Variants in EPB41L4A observed in about 807,000 individuals in gnomAD.
EPB41L4A encodes the protein band 4.1-like protein 4A.
A neutral mutation model predicts 108.6 loss-of-function variants in EPB41L4A; 100 were observed. The observed-to-expected ratio is 0.92, with a 90% confidence interval of 0.78 to 1.09. The LOEUF (loss-of-function observed/expected upper bound fraction) is 1.09, where lower values mean the gene tolerates loss of function less well. EPB41L4A is among the 50% of genes least tolerant of loss of function. The probability of loss-of-function intolerance (pLI) is 0.00; values close to 1 mark genes in which losing one functional copy is unlikely to be tolerated. For missense variants in EPB41L4A, 1,030 were observed against 842.7 expected (o/e 1.22, Z -2.75); for synonymous variants, 319 against 289.0 (o/e 1.10, Z -1.05).
At chr5:112,291,075 T>G (rs1580619508) in intron 2 of EPB41L4A, among the ~76,000 whole-genome samples, 1 of 152,194 alleles carries the variant, frequency 6.6e-6, no homozygotes, top group Non-Finnish European at 1.5e-5. Flanking sequence ...GGATGTCAAA[T>G]GGGTGTTTCA....
In EPB41L4A at chr5:112,240,825, G is replaced by C; in HGVS notation, c.796-15C>G. 2 of 1,503,446 alleles carry C rather than the reference G, an allele frequency of 1.3e-6. No individual in the cohort carries two copies. Among genetic ancestry groups the C allele is most frequent in the Non-Finnish European group, 9.1e-7 (1 of 1,103,700 alleles). The allele number at this position is 1,503,446 out of a possible 1,614,324, so 93.1% of individuals were successfully genotyped here. A position where few individuals can be genotyped will look rare whatever the true frequency, so the allele number is the denominator to read the frequency against. ...GTTTCGTTACACTAAGAGAGAAAGAGAGACAGAATATGAATAATGACCAGG... is the reference window on the plus strand; with the variant it reads ...GTTTCGTTACACTAAGAGAGAAAGACAGACAGAATATGAATAATGACCAGG... On this transcript the variant is annotated splice_polypyrimidine_tract_variant and intron_variant, in intron 9 of 22. Coordinates refer to ENST00000261486, the MANE Select transcript of EPB41L4A (RefSeq NM_022140.5).
Position 112,178,580 on chromosome 5 carries a change from C to CT in EPB41L4A, c.1622+5435dup, listed in dbSNP as rs370429229. Among the ~76,000 whole-genome samples, 921 of 147,766 alleles carry CT rather than the reference C, an allele frequency of 6.2e-3. 3 individuals are homozygous for CT. The highest frequency in any genetic ancestry group is 0.014 in the Middle Eastern group (4 of 286). On this transcript the variant is annotated intron_variant, in intron 18 of 22. Transcript: ENST00000261486. ...TTTCAAGGGATTAAAACTGTTCAGA[C>CT]TTTTTTTTTTAACCACAATGGAATT...
rs373479547 is a variant in EPB41L4A at position 112,280,274 on chromosome 5, T to A, written c.254A>T (p.Asn85Ile). ...KTLAEHKELI[N>I]TGPPYTLYFG... Reference sequence around the variant, plus strand: ...CAAAGTAAAAGCTAAATACCTACTGTTGATCAGTTCTTTGTGTTCAGCAAG... The same window carrying A: ...CAAAGTAAAAGCTAAATACCTACTGATGATCAGTTCTTTGTGTTCAGCAAG... Residue 85 changes from asparagine to isoleucine, a missense_variant and splice_region_variant, in exon 3 of 23, where the codon AAC becomes ATC. By Grantham distance (149) the Asn-to-Ile change is moderately radical (BLOSUM62 -3). Transcript: ENST00000261486. 7.2e-5 allele frequency: 116 copies of A among 1,613,644 alleles called. No individual in the cohort carries two copies. Among genetic ancestry groups the A allele is most frequent in the Non-Finnish European group, 9.6e-5 (113 of 1,179,630 alleles).
intron 1 of EPB41L4A, among the ~76,000 whole-genome samples, chr5:112,368,676 T>C (rs1177964699): frequency 6.6e-6 from 1 of 152,118 alleles, no homozygotes; most frequent in African/African-American, 2.4e-5. Context: ...CTAGATACAT[T>C]TCAGCCTGTG....
chr5:112,392,401 C>CAAAAAAAAAAAAA (rs56256606), intron 1 of EPB41L4A, among the ~76,000 whole-genome samples: 3 of 35,912 alleles, frequency 8.4e-5, no homozygotes, highest in South Asian at 1.8e-3. Flanking sequence ...AAATGGAAAG[C>CAAAAAAAAAAAAA]AAAAAAAAAA....
intron 2 of EPB41L4A, among the ~76,000 whole-genome samples, chr5:112,288,138 G>C (rs1753406416): frequency 6.6e-6 from 1 of 152,066 alleles, no homozygotes; most frequent in South Asian, 2.1e-4. Context: ...CAATTTATAA[G>C]ATTTAACACC....
intron 2 of EPB41L4A, 146 bp downstream of exon 2, chr5:112,307,240 G>A (rs936375284): frequency 8.5e-6 from 5 of 591,098 alleles, no homozygotes; most frequent in Non-Finnish European, 1.5e-5. Context: ...AAAATGCAAA[G>A]AAATTATCAG....
At chr5:112,417,044 T>C (rs1297071582) in intron 1 of EPB41L4A, among the ~76,000 whole-genome samples, 4 of 152,244 alleles carry the variant, frequency 2.6e-5, no homozygotes, top group African/African-American at 2.4e-5. Context: ...TGTTGTTAAA[T>C]GATTATTTCC....
chr5:112,153,907 T>C (rs56158171), intron 12 of EPB41L4A, among the ~76,000 whole-genome samples: 26,805 of 151,784 alleles, frequency 0.18, 2,478 homozygotes, highest in Non-Finnish European at 0.21. Context: ...ATAACTTACA[T>C]TCAAAAAGAC....
chr5:112,191,147 C>T lies in EPB41L4A; in HGVS notation c.1502+3421G>A, dbSNP rs943679615. On this transcript the variant is annotated intron_variant, in intron 17 of 22. Transcript: ENST00000261486. ...ACCTAGAAAGCTGTAGGATACCCAA[C>T]CGGATTATGAGAACAGTAAAGAAAG... 3.0e-4 allele frequency among the ~76,000 whole-genome samples: 46 copies of T among 152,038 alleles called. 1 individual carries two copies. The highest frequency in any genetic ancestry group is 9.4e-4 in the African/African-American group (39 of 41,400).
At chr5:112,254,544 T>G (rs10075926) in intron 9 of EPB41L4A, among the ~76,000 whole-genome samples, 64,328 of 151,928 alleles carry the variant, frequency 0.42, 14,461 homozygotes, top group South Asian at 0.63. Flanking sequence ...CATTCTCAAG[T>G]GCTGAGTCTG....
In EPB41L4A at chr5:112,357,222, G is replaced by A. The variant is rs73788018; in HGVS notation, c.100-49732C>T. On this transcript the variant is annotated intron_variant, in intron 1 of 22. Transcript: ENST00000261486. ...CTGGAAATAATAATTGTCATTTTGA[G>A]AAATGGCTCCTAGCTTGCAACCAGG... Among the ~76,000 whole-genome samples the A allele has an allele frequency of 5.3e-3, 803 of 152,284 alleles. 3 individuals carry two copies. Among genetic ancestry groups the A allele is most frequent in the Middle Eastern group, 0.027 (8 of 294 alleles).
In EPB41L4A at chr5:112,307,481, T is replaced by C. The variant is rs767723628; in HGVS notation, c.109A>G (p.Lys37Glu). Residue 37 changes from lysine to glutamate, a missense_variant, in exon 2 of 23, where the codon AAA becomes GAA. By Grantham distance (56) the Lys-to-Glu change is moderately conservative. Transcript: ENST00000261486. ...ACGTGGTCAAGGACAACGGAACCTTTCGTTGACTTCTGCAAAAATAATTCA... is the reference window on the plus strand; with the variant it reads ...ACGTGGTCAAGGACAACGGAACCTTCCGTTGACTTCTGCAAAAATAATTCA... ...TQQQGIKKSTKGSVVLDHVFH... is the reference protein window; with the variant it reads ...TQQQGIKKSTEGSVVLDHVFH... 1.2e-6 allele frequency: 2 copies of C among 1,611,242 alleles called. No homozygotes were observed. Among genetic ancestry groups the C allele is most frequent in the African/African-American group, 2.7e-5 (2 of 74,842 alleles).
chr5:112,165,856 A>T (rs1316680953), intron 22 of EPB41L4A, among the ~76,000 whole-genome samples: 2 of 152,244 alleles, frequency 1.3e-5, no homozygotes, highest in Non-Finnish European at 2.9e-5. Flanking sequence ...CTTAAAATGC[A>T]GCTACCTTTA....
At chr5:112,367,053 G>A (rs1194430006) in intron 1 of EPB41L4A, among the ~76,000 whole-genome samples, 1 of 152,136 alleles carries the variant, frequency 6.6e-6, no homozygotes, top group Non-Finnish European at 1.5e-5. Context: ...CCTGACTCTG[G>A]CAGAGCACCA....
At chr5:112,344,279 T>C (rs778672926) in intron 1 of EPB41L4A, among the ~76,000 whole-genome samples, 1 of 152,220 alleles carries the variant, frequency 6.6e-6, no homozygotes, top group Admixed American at 6.5e-5. Context: ...GTACTCAACA[T>C]CTACATGTGG....
intron 1 of EPB41L4A, among the ~76,000 whole-genome samples, chr5:112,397,212 G>C (rs534578363): frequency 1.3e-5 from 2 of 152,080 alleles, no homozygotes; most frequent in African/African-American, 2.4e-5. Flanking sequence ...TTCTGAGTTA[G>C]TTCACTTAAG....
Position 112,266,247 on chromosome 5 carries a change from G to T in EPB41L4A, c.419C>A (p.Ala140Glu). The T allele has an allele frequency of 6.2e-7, 1 of 1,608,784 alleles. No individual in the cohort carries two copies. The highest frequency in any genetic ancestry group is 8.5e-7 in the Non-Finnish European group (1 of 1,177,874). ...CPVNTAAQLGAYAIQSELGDY... is the reference protein window; with the variant it reads ...CPVNTAAQLGEYAIQSELGDY... Reference sequence around the variant, plus strand: ...GTGGCACCTACACTGGATGGCATACGCTCCCAGCTGAGCAGCAGTGTTGAC... The same window carrying T: ...GTGGCACCTACACTGGATGGCATACTCTCCCAGCTGAGCAGCAGTGTTGAC... The change falls in exon 5 of 23, where the codon GCG becomes GAG. Residue 140 changes from alanine to glutamate, a missense_variant. By Grantham distance (107) the Ala-to-Glu change is moderately radical. Coordinates refer to ENST00000261486, the MANE Select transcript of EPB41L4A (RefSeq NM_022140.5).
At chr5:112,267,437 G>A (rs74576339) in intron 4 of EPB41L4A, among the ~76,000 whole-genome samples, 1,901 of 152,260 alleles carry the variant, frequency 0.012, 45 homozygotes, top group African/African-American at 0.042. Flanking sequence ...CAGGAAGATT[G>A]GCATCAACTT....
Sources: allele counts gnomAD v4.1 joint callset (sites outside exome capture counted in the v4.1 genomes callset), GRCh38; gene constraint gnomAD v4.1.1; transcripts MANE v1.5; gene names NCBI Gene and HGNC (gene_info 2026-07-23, HGNC 2026-07-21).